The following FRYL variants were observed in gnomAD, a reference collection of about 807,000 sequenced individuals.
FRYL encodes the protein protein furry homolog-like.
In FRYL, 150 loss-of-function variants were observed where a neutral mutation model predicts 351.2. The ratio of observed to expected loss-of-function variants is 0.43; its 90% CI spans 0.37 to 0.49. The LOEUF (loss-of-function observed/expected upper bound fraction) is 0.49, where lower values mean the gene tolerates loss of function less well. FRYL is among the 20% of genes least tolerant of loss of function. FRYL has a pLI of 0.00. For missense variants in FRYL, 3,036 were observed against 3,619.3 expected (o/e 0.84, Z 4.13); for synonymous variants, 1,153 against 1,257.1 (o/e 0.92, Z 1.75).
At chr4:48,535,860 A>G in intron 47 of FRYL, 33 bp from the exon 48 acceptor site, 1 of 1,417,318 alleles carries the variant, frequency 7.1e-7, no homozygotes, top group Non-Finnish European at 9.4e-7. Context: ...TCATTCACCT[A>G]AAATAAAGAC....
intron 52 of FRYL, 63 bp from the exon 53 acceptor site, chr4:48,527,716 G>A (rs4695385): frequency 1 from 1,484,385 of 1,488,920 alleles, 740,033 homozygotes; most frequent in East Asian, 1. Context: ...TGCGTATGAG[G>A]TATCAGTACC....
At chr4:48,772,946 A>ATG (rs1175833095) in intron 1 of FRYL, among the ~76,000 whole-genome samples, 1 of 152,232 alleles carries the variant, frequency 6.6e-6, no homozygotes, top group African/African-American at 2.4e-5. Flanking sequence ...CAACAGTGGG[A>ATG]TGTCGTTGGT....
chr4:48,631,428 G>C (rs1186429460), intron 4 of FRYL, among the ~76,000 whole-genome samples: 3 of 152,046 alleles, frequency 2.0e-5, no homozygotes, highest in Non-Finnish European at 4.4e-5. Flanking sequence ...GGAAGCTCTG[G>C]CTAGAATGAA....
At chr4:48,602,151 AC>A in intron 12 of FRYL, 30 bp from the exon 13 acceptor site, 3 of 1,141,146 alleles carry the variant, frequency 2.6e-6, no homozygotes, top group Non-Finnish European at 4.0e-6. Context: ...GACAGAATTA[AC>A]ATTTTTCATC....
chr4:48,573,331 CA>C (rs1309557703), intron 25 of FRYL, 88 bp from the exon 26 acceptor site: 1 of 855,654 alleles, frequency 1.2e-6, no homozygotes, highest in Non-Finnish European at 1.9e-6. Context: ...TGTAAACTGA[CA>C]AGTGTTAATT....
chr4:48,753,329 G>A (rs2149668987), intron 1 of FRYL, among the ~76,000 whole-genome samples: 1 of 152,278 alleles, frequency 6.6e-6, no homozygotes, highest in African/African-American at 2.4e-5. Flanking sequence ...GTACAACTGA[G>A]AGAAGTTAGG....
chr4:48,639,829 C>A (rs1452754860), intron 3 of FRYL, among the ~76,000 whole-genome samples: 6 of 151,946 alleles, frequency 3.9e-5, no homozygotes, highest in Non-Finnish European at 8.8e-5. Flanking sequence ...AAACAAATAA[C>A]ACAAGTAAAA....
At chr4:48,605,972 C>T (rs1746706075) in intron 10 of FRYL, 139 bp from the exon 11 acceptor site, 2 of 587,398 alleles carry the variant, frequency 3.4e-6, no homozygotes, top group South Asian at 4.3e-5. Flanking sequence ...AAAAACAAAG[C>T]TGGCTGGGTG....
intron 2 of FRYL, among the ~76,000 whole-genome samples, chr4:48,708,192 T>C (rs959356251): frequency 4.6e-5 from 7 of 151,486 alleles, no homozygotes; most frequent in African/African-American, 1.7e-4. Flanking sequence ...GGCAGGAGAA[T>C]CGCTTGAACC....
intron 30 of FRYL, 70 bp downstream of exon 30, chr4:48,564,863 C>T (rs1315403784): frequency 6.5e-6 from 5 of 767,364 alleles, no homozygotes; most frequent in Non-Finnish European, 8.5e-6. Flanking sequence ...GTTTTTAGTG[C>T]AACATACATT....
intron 4 of FRYL, among the ~76,000 whole-genome samples, chr4:48,624,963 C>T (rs1751474494): frequency 6.6e-6 from 1 of 152,158 alleles, no homozygotes; most frequent in South Asian, 2.1e-4. Flanking sequence ...ATCGGTTCTT[C>T]TTGGGTTTCG....
intron 18 of FRYL, among the ~76,000 whole-genome samples, chr4:48,589,324 C>T (rs1160534462): frequency 6.6e-6 from 1 of 151,236 alleles, no homozygotes; most frequent in Non-Finnish European, 1.5e-5. Flanking sequence ...TTATTCCTCT[C>T]TATGCCCCTT....
chr4:48,592,864 C>T (rs1212808866), intron 16 of FRYL, among the ~76,000 whole-genome samples: 10 of 152,026 alleles, frequency 6.6e-5, no homozygotes, highest in South Asian at 2.1e-4. Context: ...CATTTGTTAA[C>T]CACATAAACA....
rs780045889 is a variant in FRYL, at chr4:48,505,547, T to A, written c.8463A>T (p.Gln2821His). The A allele has an allele frequency of 9.4e-6, 15 of 1,593,200 alleles. No homozygotes were observed. Among genetic ancestry groups the A allele is most frequent in the Non-Finnish European group, 9.5e-6 (11 of 1,163,486 alleles). ...GCAAAAACAGGAACAAGAAACTTACTTGTGCATCTGTGTTTATCCTATACA... is the reference window on the plus strand; with the variant it reads ...GCAAAAACAGGAACAAGAAACTTACATGTGCATCTGTGTTTATCCTATACA... ...EDMYRINTDA[Q>H]QMEILAELEL... Residue 2821 changes from glutamine (Q) to histidine (H), a missense_variant and splice_region_variant, in exon 60 of 64, where the codon CAA becomes CAT. Around this residue, in one of 7 missense-constraint regions of FRYL, gnomAD observed 1,987 missense variants for 2,311.7 expected, o/e 0.86. Transcript: ENST00000358350.
intron 7 of FRYL, chr4:48,617,544 A>G (rs778421891): frequency 2.6e-5 from 4 of 151,732 alleles, no homozygotes; most frequent in Non-Finnish European, 5.9e-5. Flanking sequence ...TTTTGTAGAG[A>G]TGGGGTCCCC....
In FRYL at chr4:48,547,763, T is replaced by C; in HGVS notation, c.4895A>G (p.Asp1632Gly). 1 of 1,496,414 alleles carries C rather than the reference T, an allele frequency of 6.7e-7. No homozygotes were observed. The highest frequency in any genetic ancestry group is 1.9e-5 in the Admixed American group (1 of 53,054). 92.7% of individuals were successfully genotyped at this position (1,496,414 alleles called of 1,614,324 possible). A position where few individuals can be genotyped will look rare whatever the true frequency, so the allele number is the denominator to read the frequency against. ...TTCATACACCTCAGGGTGGCAGTGG[T>C]CAAACCCTAAAAAGGATAGTAGAGA... The part of the protein sequence containing the change: ...LLLHAIFIGF[D>G]HCHPEVYEHC... Residue 1632 changes from aspartate (D) to glycine (G), a missense_variant, in exon 41 of 64, where the codon GAC becomes GGC. Coordinates refer to ENST00000358350, the MANE Select transcript of FRYL (RefSeq NM_015030.2).
At chr4:48,744,793 C>T (rs1422125907) in intron 1 of FRYL, among the ~76,000 whole-genome samples, 5 of 152,050 alleles carry the variant, frequency 3.3e-5, no homozygotes, top group South Asian at 4.1e-4. Flanking sequence ...ACCATATTTG[C>T]GCTATTTGCA....
chr4:48,703,227 ACT>A (rs1766957204), intron 2 of FRYL, among the ~76,000 whole-genome samples: 1 of 152,210 alleles, frequency 6.6e-6, no homozygotes, highest in African/African-American at 2.4e-5. Context: ...GGGAATAGGG[ACT>A]AAGACAGTAT....
At chr4:48,737,489 C>G (rs932983703) in intron 1 of FRYL, among the ~76,000 whole-genome samples, 1 of 152,074 alleles carries the variant, frequency 6.6e-6, no homozygotes, top group Non-Finnish European at 1.5e-5. Flanking sequence ...TCAATAATAA[C>G]CTTCCAAAAG....
Sources: allele counts gnomAD v4.1 joint callset (sites outside exome capture counted in the v4.1 genomes callset), GRCh38; gene constraint gnomAD v4.1.1; regional missense constraint gnomAD v4.1.1; transcripts MANE v1.5; gene names NCBI Gene and HGNC (gene_info 2026-07-23, HGNC 2026-07-21).